ZMYM2: variants seen among roughly 807,000 people sequenced by gnomAD.
The protein encoded by ZMYM2 is zinc finger MYM-type protein 2.
Under a neutral mutation model 162.8 loss-of-function variants are expected in ZMYM2, and 56 were observed. The observed-to-expected ratio is 0.34, with a 90% CI of 0.28 to 0.43. The LOEUF is 0.43. Ranked by LOEUF, ZMYM2 falls within the 20% of genes least tolerant of loss-of-function variation. The probability of loss-of-function intolerance (pLI) is 1.00; values close to 1 mark genes in which losing one functional copy is unlikely to be tolerated. For missense variants in ZMYM2, 1,275 were observed against 1,621.8 expected, an observed-to-expected ratio of 0.79 and a Z score of 3.67; for synonymous variants, 510 against 541.6, an observed-to-expected ratio of 0.94 and a Z score of 0.81.
chr13:20,046,564 A>AAAAAAT (rs766574183), intron 12 of ZMYM2, among the ~76,000 whole-genome samples: 31 of 103,862 alleles, frequency 3.0e-4, no homozygotes, highest in African/African-American at 9.1e-4. Flanking sequence ...TAAAAAAAAA[A>AAAAAAT]ATATATATAT....
chr13:19,868,787 G>C, the ZMYM2 span, among the ~76,000 whole-genome samples: 1 of 152,230 alleles, frequency 6.6e-6, no homozygotes, highest in South Asian at 2.1e-4. Flanking sequence ...ATCTTATTCT[G>C]TTGCCCAGGC....
the ZMYM2 span, among the ~76,000 whole-genome samples, chr13:19,952,558 A>C: frequency 6.6e-6 from 1 of 152,242 alleles, no homozygotes; most frequent in African/African-American, 2.4e-5. Context: ...GAGAAACATG[A>C]TGGGACCCTT....
chr13:19,957,847 G>C (rs565594837), upstream of ZMYM2, among the ~76,000 whole-genome samples: 1 of 152,258 alleles, frequency 6.6e-6, no homozygotes, highest in Non-Finnish European at 1.5e-5. Flanking sequence ...GGTTGATGGA[G>C]GCGGGGAGCT....
chr13:19,866,510 A>G, the ZMYM2 span, among the ~76,000 whole-genome samples: 1 of 152,078 alleles, frequency 6.6e-6, no homozygotes, highest in Non-Finnish European at 1.5e-5. Context: ...TACTAAAAGT[A>G]CAAAAGTAGC....
chr13:19,964,002 G>T (rs1380290315), intron 2 of ZMYM2, among the ~76,000 whole-genome samples: 1 of 152,112 alleles, frequency 6.6e-6, no homozygotes, highest in Non-Finnish European at 1.5e-5. Context: ...TGAAAGAAGG[G>T]TATAGCTGTT....
chr13:19,982,743 T>C (rs1957464409), intron 2 of ZMYM2, among the ~76,000 whole-genome samples: 1 of 152,222 alleles, frequency 6.6e-6, no homozygotes, highest in Admixed American at 6.5e-5. Flanking sequence ...GACAAGTGAA[T>C]GTTAACTGCA....
chr13:19,939,542 T>C, the ZMYM2 span, among the ~76,000 whole-genome samples: 1 of 152,340 alleles, frequency 6.6e-6, no homozygotes, highest in East Asian at 1.9e-4. Context: ...TTCATCTGCA[T>C]TGGTTGCTAA....
At chr13:20,085,675 T>G (rs1958215468) in intron 24 of ZMYM2, 147 bp from the exon 25 acceptor site, 1 of 569,742 alleles carries the variant, frequency 1.8e-6, no homozygotes, top group Non-Finnish European at 2.9e-6. Flanking sequence ...TTGAGAATAT[T>G]TTAATGACAG....
At chr13:20,029,410 C>A (rs1370699134) in intron 9 of ZMYM2, among the ~76,000 whole-genome samples, 3 of 152,204 alleles carry the variant, frequency 2.0e-5, no homozygotes, top group Admixed American at 1.3e-4. Context: ...TGGGGGAACA[C>A]CAACATTCAG....
At chr13:20,075,221 C>A (rs944105448) in intron 21 of ZMYM2, among the ~76,000 whole-genome samples, 30 of 152,100 alleles carry the variant, frequency 2.0e-4, no homozygotes, top group African/African-American at 7.0e-4. Context: ...TCACAGCTGA[C>A]AATAAAGATA....
chr13:20,066,555 T>G (rs1228450630), intron 19 of ZMYM2: 2 of 247,804 alleles, frequency 8.1e-6, no homozygotes, highest in Admixed American at 5.5e-5. Context: ...GAAAATATAT[T>G]TACGATTCAT....
chr13:19,938,470 C>T, the ZMYM2 span, among the ~76,000 whole-genome samples: 1 of 152,166 alleles, frequency 6.6e-6, no homozygotes, highest in Non-Finnish European at 1.5e-5. Context: ...TGCACTCCAG[C>T]CTGGGCGACA....
the ZMYM2 span, among the ~76,000 whole-genome samples, chr13:19,884,119 C>G: frequency 6.6e-6 from 1 of 152,186 alleles, no homozygotes; most frequent in Admixed American, 6.6e-5. Flanking sequence ...GCCTGTAATC[C>G]TAGCACCTTG....
the ZMYM2 span, among the ~76,000 whole-genome samples, chr13:19,870,609 T>C: frequency 6.8e-5 from 10 of 146,982 alleles, no homozygotes; most frequent in African/African-American, 1.8e-4. Flanking sequence ...TCTTTCTTTC[T>C]TTCCTTCTTT....
intron 12 of ZMYM2, among the ~76,000 whole-genome samples, chr13:20,046,623 ATATATG>A (rs1954841156): frequency 4.2e-5 from 6 of 143,252 alleles, no homozygotes; most frequent in Middle Eastern, 3.6e-3. Context: ...ATATGTGTAT[ATATATG>A]TGTATATATA....
chr13:20,046,564 A>T (rs796790474), intron 12 of ZMYM2, among the ~76,000 whole-genome samples: 4,168 of 103,882 alleles, frequency 0.04, 132 homozygotes, highest in Non-Finnish European at 0.055. Context: ...TAAAAAAAAA[A>T]ATATATATAT....
At chr13:20,011,066 A>AT (rs1483550596) in intron 6 of ZMYM2, among the ~76,000 whole-genome samples, 2 of 152,146 alleles carry the variant, frequency 1.3e-5, no homozygotes, top group African/African-American at 4.8e-5. Flanking sequence ...CCCCAAAATT[A>AT]TTTTTTTATG....
the ZMYM2 span, among the ~76,000 whole-genome samples, chr13:19,876,722 G>T: frequency 6.6e-6 from 1 of 152,112 alleles, no homozygotes; most frequent in Non-Finnish European, 1.5e-5. Context: ...TCATATTGTT[G>T]TGTAACCATC....
At chr13:19,940,287 A>T in the ZMYM2 span, among the ~76,000 whole-genome samples, 2 of 152,224 alleles carry the variant, frequency 1.3e-5, no homozygotes, top group South Asian at 4.1e-4. Context: ...TACATTAAGC[A>T]GTTCTTTTCT....
Sources: allele counts gnomAD v4.1 joint callset (sites outside exome capture counted in the v4.1 genomes callset), GRCh38; gene constraint gnomAD v4.1.1; transcripts MANE v1.5; gene names NCBI Gene and HGNC (gene_info 2026-07-23, HGNC 2026-07-21).